Variants in KIAA1328 observed in about 807,000 individuals in gnomAD.
KIAA1328 encodes KIAA1328.
KIAA1328 carries 52 observed loss-of-function variants against 68.1 expected under a neutral mutation model. The observed-to-expected ratio is 0.76, with a 90% CI of 0.61 to 0.96. The LOEUF is 0.96. Ranked by LOEUF, KIAA1328 falls within the 40% of genes least tolerant of loss-of-function variation. KIAA1328 has a pLI of 0.00. For synonymous variants in KIAA1328, 232 were observed against 239.4 expected (o/e 0.97, Z 0.28); for missense variants, 641 against 677.6 (o/e 0.95, Z 0.60).
chr18:37,141,357 A>C (rs1050413008), intron 7 of KIAA1328, among the ~76,000 whole-genome samples: 10 of 152,182 alleles, frequency 6.6e-5, no homozygotes, highest in Admixed American at 5.9e-4. Context: ...CAATATGCGT[A>C]AGTCTGATAC....
chr18:37,142,220 C>G (rs141938369), intron 7 of KIAA1328, among the ~76,000 whole-genome samples: 1,639 of 152,114 alleles, frequency 0.011, 14 homozygotes, highest in Middle Eastern at 0.02. Flanking sequence ...GGGATGGAGT[C>G]TCGCTCCGTC....
chr18:37,143,300 C>T (rs2058814874), intron 7 of KIAA1328, among the ~76,000 whole-genome samples: 1 of 152,080 alleles, frequency 6.6e-6, no homozygotes, highest in African/African-American at 2.4e-5. Flanking sequence ...ATATAGTTTC[C>T]AGTTTACCAG....
At chr18:37,120,331 C>G (rs2058236703) in intron 7 of KIAA1328, among the ~76,000 whole-genome samples, 4 of 151,964 alleles carry the variant, frequency 2.6e-5, no homozygotes, top group African/African-American at 9.7e-5. Flanking sequence ...TGCATGAGAA[C>G]AGTAATGTCA....
chr18:37,216,195 A>C (rs2060428253), intron 9 of KIAA1328, among the ~76,000 whole-genome samples: 1 of 151,870 alleles, frequency 6.6e-6, no homozygotes, highest in Non-Finnish European at 1.5e-5. Context: ...TAGGTTTTGA[A>C]TTTGTTTGCT....
At chr18:37,194,417 C>A (rs2059964994) in intron 9 of KIAA1328, among the ~76,000 whole-genome samples, 3 of 152,072 alleles carry the variant, frequency 2.0e-5, no homozygotes, top group African/African-American at 7.2e-5. Context: ...TGTTATTAGT[C>A]TTTTTCTTTT....
intron 6 of KIAA1328, among the ~76,000 whole-genome samples, chr18:37,041,648 G>T (rs200048846): frequency 9.1e-5 from 2 of 22,026 alleles, no homozygotes. Flanking sequence ...GTTTGTGTGT[G>T]TGTGTGTGTG....
chr18:36,949,602 C>A (rs1194531361), intron 5 of KIAA1328, among the ~76,000 whole-genome samples: 3 of 99,648 alleles, frequency 3.0e-5, no homozygotes, highest in African/African-American at 1.1e-4. Flanking sequence ...CCAGCTCCCC[C>A]CCCCCCACCC....
At chr18:36,975,176 ATT>A (rs751805080) in intron 6 of KIAA1328, among the ~76,000 whole-genome samples, 10,186 of 114,108 alleles carry the variant, frequency 0.089, 176 homozygotes, top group Non-Finnish European at 0.12. Context: ...ACAAGCTACA[ATT>A]TTTTTTTTTT....
At chr18:36,849,864 C>T (rs925639946) in intron 4 of KIAA1328, among the ~76,000 whole-genome samples, 5 of 152,012 alleles carry the variant, frequency 3.3e-5, no homozygotes, top group African/African-American at 1.2e-4. Context: ...ACATTCTTGT[C>T]ACCATTTTTT....
intron 9 of KIAA1328, among the ~76,000 whole-genome samples, chr18:37,182,623 G>A (rs1016019926): frequency 2.0e-4 from 31 of 152,094 alleles, no homozygotes; most frequent in Admixed American, 1.5e-3. Context: ...TTGCTCTTGT[G>A]ATTCCAAACT....
chr18:37,103,472 C>T (rs920568889), intron 7 of KIAA1328, among the ~76,000 whole-genome samples: 1 of 152,098 alleles, frequency 6.6e-6, no homozygotes, highest in Non-Finnish European at 1.5e-5. Context: ...TGAAACTAGA[C>T]CCTTGTCTCT....
downstream of KIAA1328, among the ~76,000 whole-genome samples, chr18:37,227,065 G>A (rs540356048): frequency 2.6e-4 from 39 of 152,174 alleles, 1 homozygote; most frequent in Admixed American, 2.0e-3. Context: ...CCGCGCCCAG[G>A]CCCATGCAAA....
chr18:37,032,262 A>G (rs549023758), intron 6 of KIAA1328, among the ~76,000 whole-genome samples: 1 of 152,232 alleles, frequency 6.6e-6, no homozygotes, highest in Non-Finnish European at 1.5e-5. Context: ...GAATGCTTCC[A>G]TTTCCCACTT....
chr18:36,930,622 A>G (rs1470929316), intron 5 of KIAA1328, among the ~76,000 whole-genome samples: 1 of 152,088 alleles, frequency 6.6e-6, no homozygotes. Context: ...TTTAATGGGC[A>G]TTTTGATTCT....
chr18:37,142,942 G>GTTTTTTTTTTT (rs551875920), intron 7 of KIAA1328, among the ~76,000 whole-genome samples: 1 of 140,366 alleles, frequency 7.1e-6, no homozygotes. Context: ...ATTTACTTTG[G>GTTTTTTTTTTT]TTTTTTTTTT....
At chr18:36,939,593 G>A (rs1006092554) in intron 5 of KIAA1328, among the ~76,000 whole-genome samples, 6 of 151,514 alleles carry the variant, frequency 4.0e-5, no homozygotes, top group African/African-American at 1.5e-4. Context: ...TTTTTTTCTT[G>A]TCTAATTGCT....
At chr18:37,184,253 G>A (rs2059751769) in intron 9 of KIAA1328, among the ~76,000 whole-genome samples, 1 of 152,040 alleles carries the variant, frequency 6.6e-6, no homozygotes, top group Non-Finnish European at 1.5e-5. Context: ...GAACTTCCTT[G>A]TATTTTCTCC....
chr18:37,076,511 C>G (rs1243011396), intron 7 of KIAA1328, among the ~76,000 whole-genome samples: 2 of 151,662 alleles, frequency 1.3e-5, no homozygotes, highest in Non-Finnish European at 2.9e-5. Flanking sequence ...AATAGAGACA[C>G]AAAAAACCCT....
At chr18:36,956,980 A>G (rs1465984143) in intron 5 of KIAA1328, among the ~76,000 whole-genome samples, 1 of 152,222 alleles carries the variant, frequency 6.6e-6, no homozygotes, top group African/African-American at 2.4e-5. Flanking sequence ...GATGCCAAGT[A>G]TTCAACAAGC....
Sources: allele counts gnomAD v4.1 joint callset (sites outside exome capture counted in the v4.1 genomes callset), GRCh38; gene constraint gnomAD v4.1.1; transcripts MANE v1.5; gene names NCBI Gene and HGNC (gene_info 2026-07-23, HGNC 2026-07-21).